The following GLIS3 variants were observed in gnomAD, a reference collection of about 807,000 sequenced individuals.
GLIS3 encodes GLIS family zinc finger 3.
In GLIS3, 53 loss-of-function variants were observed where a neutral mutation model predicts 78.6. The ratio of observed to expected loss-of-function variants is 0.67; its 90% CI spans 0.54 to 0.85. The LOEUF (loss-of-function observed/expected upper bound fraction) is 0.85. Among genes scored for constraint, GLIS3 ranks in the 40% least tolerant of loss-of-function variants. The pLI is 0.00. For missense variants in GLIS3, 1,703 were observed against 1,231.1 expected (o/e 1.38, Z -5.74); for synonymous variants, 684 against 509.9 (o/e 1.34, Z -4.60).
intron 4 of GLIS3, among the ~76,000 whole-genome samples, chr9:4,041,443 C>A (rs1265373228): frequency 6.6e-6 from 1 of 152,070 alleles, no homozygotes; most frequent in Non-Finnish European, 1.5e-5. Context: ...GTTTTTGCAC[C>A]TTAGACTTGG....
At chr9:4,403,970 C>G in the GLIS3 span, among the ~76,000 whole-genome samples, 2,155 of 152,014 alleles carry the variant, frequency 0.014, 61 homozygotes, top group African/African-American at 0.05. Flanking sequence ...GATCTGTTGC[C>G]TACAAGAAAT....
At chr9:3,830,131 G>C (rs1017087280) in intron 9 of GLIS3, among the ~76,000 whole-genome samples, 1 of 151,974 alleles carries the variant, frequency 6.6e-6, no homozygotes, top group African/African-American at 2.4e-5. Flanking sequence ...CTCCAAAAAA[G>C]AAAAAATATG....
chr9:3,953,764 TCTCTCTCTCTCTCTCTC>T lies in GLIS3; in HGVS notation c.1711-16592_1711-16576del, dbSNP rs1217323327. ...TTGCCAATGATAATTAGATTTGCTC[TCTCTCTCTCTCTCTCTC>T]TCTCTCTCTCTCTCTATATATATAT... On this transcript the variant is annotated intron_variant, in intron 4 of 10. Coordinates refer to ENST00000381971, the MANE Select transcript of GLIS3 (RefSeq NM_001042413.2). 1.3e-3 allele frequency among the ~76,000 whole-genome samples: 66 copies of T among 49,748 alleles called. 1 individual carries two copies. Among genetic ancestry groups the T allele is most frequent in the African/African-American group, 4.3e-3 (64 of 14,930 alleles). The allele number at this position is 49,748 out of a possible 152,430, so 32.6% of individuals were successfully genotyped here. A position where few individuals can be genotyped will look rare whatever the true frequency, so the allele number is the denominator to read the frequency against.
the GLIS3 span, among the ~76,000 whole-genome samples, chr9:4,389,718 C>T: frequency 3.4e-4 from 52 of 152,314 alleles, no homozygotes; most frequent in African/African-American, 1.1e-3. Flanking sequence ...AGGAAAGACA[C>T]ACAGACGGCA....
chr9:4,050,286 T>C (rs1284000119), intron 4 of GLIS3, among the ~76,000 whole-genome samples: 5 of 152,226 alleles, frequency 3.3e-5, no homozygotes, highest in East Asian at 1.9e-4. Flanking sequence ...GGTGAGTTCA[T>C]GTCCTTTGCA....
At chr9:4,279,423 C>A (rs1827350648) in intron 2 of GLIS3, among the ~76,000 whole-genome samples, 2 of 135,440 alleles carry the variant, frequency 1.5e-5, no homozygotes, top group African/African-American at 2.8e-5. Flanking sequence ...TAATGAAACA[C>A]AAAGAAAGGT....
the GLIS3 span, among the ~76,000 whole-genome samples, chr9:4,429,474 C>G: frequency 1.3e-5 from 2 of 152,168 alleles, no homozygotes; most frequent in Non-Finnish European, 2.9e-5. Flanking sequence ...ACAATTTCTT[C>G]TTACCTTCAG....
At chr9:4,251,474 C>A (rs1255609507) in intron 2 of GLIS3, among the ~76,000 whole-genome samples, 1 of 149,906 alleles carries the variant, frequency 6.7e-6, no homozygotes, top group African/African-American at 2.5e-5. Flanking sequence ...AAATATTCCT[C>A]CATCCCTTTA....
At chr9:4,012,694 T>C (rs189563293) in intron 4 of GLIS3, among the ~76,000 whole-genome samples, 1 of 151,854 alleles carries the variant, frequency 6.6e-6, no homozygotes, top group East Asian at 1.9e-4. Flanking sequence ...CCACCATCTC[T>C]CTTGATCTTT....
At chr9:3,852,173 T>G (rs139978476) in intron 9 of GLIS3, among the ~76,000 whole-genome samples, 8 of 151,876 alleles carry the variant, frequency 5.3e-5, no homozygotes, top group African/African-American at 1.9e-4. Flanking sequence ...GAATATGGCT[T>G]GGAAATTTAG....
At chr9:4,124,965 A>G (rs1217740272) in intron 3 of GLIS3, among the ~76,000 whole-genome samples, 2 of 152,230 alleles carry the variant, frequency 1.3e-5, no homozygotes, top group African/African-American at 4.8e-5. Flanking sequence ...AACACTGTAC[A>G]GTATTTTGGC....
the GLIS3 span, among the ~76,000 whole-genome samples, chr9:4,357,561 C>CTGTG: frequency 0.049 from 7,182 of 147,668 alleles, 249 homozygotes; most frequent in African/African-American, 0.098. Flanking sequence ...GAACTAATTC[C>CTGTG]TGTGTGTGTG....
chr9:4,432,068 C>T, the GLIS3 span, among the ~76,000 whole-genome samples: 4 of 152,138 alleles, frequency 2.6e-5, no homozygotes, highest in Non-Finnish European at 5.9e-5. Context: ...GCTCTCAAAC[C>T]TTGTCCTCCT....
At chr9:4,160,985 T>C (rs1171667110) in intron 2 of GLIS3, among the ~76,000 whole-genome samples, 1 of 149,642 alleles carries the variant, frequency 6.7e-6, no homozygotes, top group African/African-American at 2.5e-5. Context: ...GGTTCATGCC[T>C]ATAATCCCAG....
chr9:4,004,664 T>C (rs1432464824), intron 4 of GLIS3, among the ~76,000 whole-genome samples: 1 of 152,178 alleles, frequency 6.6e-6, no homozygotes, highest in African/African-American at 2.4e-5. Flanking sequence ...GTTTAGGGGA[T>C]ACAATGGAAA....
chr9:4,348,141 A>C (rs974835204), intron 1 of GLIS3: 2 of 152,242 alleles, frequency 1.3e-5, no homozygotes, highest in African/African-American at 4.8e-5. Flanking sequence ...AACAGCAAAA[A>C]TCAGAATCAG....
chr9:4,036,229 G>GT (rs1407651130), intron 4 of GLIS3, among the ~76,000 whole-genome samples: 2 of 151,818 alleles, frequency 1.3e-5, no homozygotes, highest in Non-Finnish European at 2.9e-5. Context: ...TGTTTTTGTT[G>GT]TTTGTTTTAT....
intron 2 of GLIS3, among the ~76,000 whole-genome samples, chr9:4,216,652 T>C (rs1243079937): frequency 6.6e-6 from 1 of 152,166 alleles, no homozygotes; most frequent in Non-Finnish European, 1.5e-5. Context: ...ACCTAGTTGC[T>C]TCTTGTTTTA....
At chr9:4,357,330 G>T in the GLIS3 span, among the ~76,000 whole-genome samples, 1 of 152,148 alleles carries the variant, frequency 6.6e-6, no homozygotes, top group African/African-American at 2.4e-5. Flanking sequence ...CAATCCCCTG[G>T]AAGCTTTAAT....
Sources: gnomAD v4.1 joint callset for allele counts (sites outside exome capture counted in the v4.1 genomes callset) on GRCh38, gnomAD v4.1.1 for gene constraint, MANE v1.5 for transcripts, NCBI Gene and HGNC (gene_info 2026-07-23, HGNC 2026-07-21) for gene names.